The following POGZ variants were observed in gnomAD, a reference collection of about 807,000 sequenced individuals.
POGZ encodes pogo transposable element with ZNF domain.
A neutral mutation model predicts 134.6 loss-of-function variants in POGZ; 17 were observed. The ratio of observed to expected loss-of-function variants is 0.13; its 90% CI spans 0.09 to 0.19. The LOEUF (loss-of-function observed/expected upper bound fraction) is 0.19, where lower values mean the gene tolerates loss of function less well. Among genes scored for constraint, POGZ ranks in the 10% least tolerant of loss-of-function variants. The probability of loss-of-function intolerance (pLI) is 1.00; values close to 1 mark genes in which losing one functional copy is unlikely to be tolerated. For synonymous variants in POGZ, 693 were observed against 657.1 expected (o/e 1.05, Z -0.84); for missense variants, 1,306 against 1,769.7 (o/e 0.74, Z 4.70).
intron 10 of POGZ, among the ~76,000 whole-genome samples, chr1:151,419,988 G>C (rs1656611637): frequency 1.3e-5 from 2 of 152,016 alleles, no homozygotes; most frequent in African/African-American, 4.8e-5. Flanking sequence ...TAGGTGCCCA[G>C]ACTGGGCAAC....
rs545078539 is a variant in POGZ at position 151,432,506 on chromosome 1, C to T, written c.284-1665G>A. Among the ~76,000 whole-genome samples, 7 of 152,120 alleles carry T rather than the reference C, an allele frequency of 4.6e-5. No individual in the cohort carries two copies. The South Asian group carries it at 1.5e-3, about 32-fold the overall frequency. On this transcript the variant is annotated intron_variant, in intron 3 of 18. Coordinates refer to ENST00000271715, the MANE Select transcript of POGZ (RefSeq NM_015100.4). ...ACAGAAAATTCCAGCAAGTTCTATC[C>T]ATGTTAAACTATACTGGCAATTTAT...
Position 151,424,801 on chromosome 1 carries a change from C to T in POGZ, c.1185+154G>A, listed in dbSNP as rs72710142. 0.016 allele frequency among the ~76,000 whole-genome samples: 2,397 copies of T among 152,296 alleles called. 21 individuals carry two copies. Among genetic ancestry groups the T allele is most frequent in the Middle Eastern group, 0.024 (7 of 294 alleles). On this transcript the variant is annotated intron_variant, in intron 8 of 18. Coordinates refer to ENST00000271715, the MANE Select transcript of POGZ (RefSeq NM_015100.4). Reference sequence around the variant, plus strand: ...GTCTTTAAATGTATCCCATCACATTCCAAAGTACACAGCTCTTCTAAAAAC... The same window carrying T: ...GTCTTTAAATGTATCCCATCACATTTCAAAGTACACAGCTCTTCTAAAAAC...
intron 1 of POGZ, among the ~76,000 whole-genome samples, chr1:151,442,729 A>AT (rs1660736874): frequency 6.7e-6 from 1 of 148,926 alleles, no homozygotes; most frequent in Non-Finnish European, 1.5e-5. Context: ...AAAAAAAAAA[A>AT]TTAGGATTAT....
chr1:151,414,164 A>C (rs186363554), intron 10 of POGZ, among the ~76,000 whole-genome samples: 1 of 152,356 alleles, frequency 6.6e-6, no homozygotes, highest in African/African-American at 2.4e-5. Context: ...AGCCAGCCAG[A>C]GAGAGGACCA....
chr1:151,425,130 G>GA, intron 7 of POGZ, 69 bp from the exon 8 acceptor site: 3 of 819,940 alleles, frequency 3.7e-6, no homozygotes, highest in East Asian at 2.7e-5. Flanking sequence ...GACCTTTTGG[G>GA]AAAAAGTCAA....
intron 12 of POGZ, 97 bp from the exon 13 acceptor site, chr1:151,408,925 A>G: frequency 2.0e-6 from 2 of 1,004,380 alleles, no homozygotes; most frequent in Non-Finnish European, 3.0e-6. Flanking sequence ...CAACCATATC[A>G]TTCTTCCCAC....
At chr1:151,408,027 AAAAAGAAGAAG>A (rs755013275) in intron 15 of POGZ, 62 bp downstream of exon 15, 4 of 651,972 alleles carry the variant, frequency 6.1e-6, no homozygotes, top group Non-Finnish European at 8.6e-6. Flanking sequence ...AAAAAAAAAA[AAAAAGAAGAAG>A]AAGAAGAAGA....
chr1:151,408,669 TAA>T (rs746471151), intron 13 of POGZ, 23 bp downstream of exon 13: 12 of 1,611,038 alleles, frequency 7.4e-6, no homozygotes, highest in Non-Finnish European at 1.0e-5. Context: ...CCTGGGCCTA[TAA>T]AAGACACTGG....
At chr1:151,414,071 T>C (rs1368867480) in intron 10 of POGZ, among the ~76,000 whole-genome samples, 1 of 152,098 alleles carries the variant, frequency 6.6e-6, no homozygotes, top group Non-Finnish European at 1.5e-5. Flanking sequence ...TATGAGGACA[T>C]GGATAAATAA....
intron 1 of POGZ, among the ~76,000 whole-genome samples, chr1:151,449,378 G>A (rs1297912225): frequency 6.6e-6 from 1 of 152,148 alleles, no homozygotes; most frequent in African/African-American, 2.4e-5. Context: ...CAGGGTGGGG[G>A]TGAGGAGAGG....
chr1:151,418,378 T>TA lies in POGZ; in HGVS notation c.1678+5018dup, dbSNP rs982842014. Among the ~76,000 whole-genome samples, 587 of 148,206 alleles carry TA rather than the reference T, an allele frequency of 4.0e-3. 4 individuals are homozygous for TA. Among genetic ancestry groups the TA allele is most frequent in the Middle Eastern group, 0.01 (3 of 288 alleles). On this transcript the variant is annotated intron_variant, in intron 10 of 18. Transcript: ENST00000271715. ...CATGTTCCCACTCATATGTGGGAGC[T>TA]AAAAAAAAAAGTAGATCTCATGGAG...
chr1:151,406,475 G>A lies in POGZ; in HGVS notation c.2571-11C>T. ...CGAGTCTGGCCATGCCTAAAGGGGT[G>A]AGGAGCAAAGAGAAGAGGAGAAATC... On this transcript the variant is annotated splice_polypyrimidine_tract_variant and intron_variant, in intron 18 of 18. Transcript: ENST00000271715. 1.3e-6 allele frequency: 2 copies of A among 1,555,338 alleles called. No individual in the cohort carries two copies. Among genetic ancestry groups the A allele is most frequent in the South Asian group, 1.3e-5 (1 of 79,836 alleles).
intron 3 of POGZ, among the ~76,000 whole-genome samples, chr1:151,431,685 GAATA>G (rs1344182196): frequency 6.6e-6 from 1 of 152,120 alleles, no homozygotes; most frequent in East Asian, 1.9e-4. Flanking sequence ...ATTCATTCAT[GAATA>G]AATATTAATA....
At position 151,430,014 on chromosome 1, in the gene POGZ, C is replaced by T. The variant is rs7521992; in HGVS notation, c.460-303G>A. On this transcript the variant is annotated intron_variant, in intron 4 of 18. Coordinates refer to ENST00000271715, the MANE Select transcript of POGZ (RefSeq NM_015100.4). ...ATCAACAGACTGGCTCCCTAAAGTGCTAAATGAACAGAAGTGGGGGTGGGG... is the reference window on the plus strand; with the variant it reads ...ATCAACAGACTGGCTCCCTAAAGTGTTAAATGAACAGAAGTGGGGGTGGGG... Among the ~76,000 whole-genome samples the T allele has an allele frequency of 0.022, 3,005 of 138,494 alleles. 91 individuals carry two copies. Among genetic ancestry groups the T allele is most frequent in the African/African-American group, 0.079 (2,862 of 36,384 alleles). 90.9% of individuals were successfully genotyped at this position (138,494 alleles called of 152,430 possible).
intron 3 of POGZ, among the ~76,000 whole-genome samples, chr1:151,433,216 A>G (rs1658996913): frequency 6.6e-6 from 1 of 152,234 alleles, no homozygotes; most frequent in African/African-American, 2.4e-5. Context: ...GGTTTCCATG[A>G]AACCCGTAAA....
In POGZ at chr1:151,404,466, C is replaced by T. The variant is rs1653214889; in HGVS notation, c.*336G>A. The T allele has an allele frequency of 2.0e-6, 2 of 1,016,694 alleles. No individual in the cohort carries two copies. The highest frequency in any genetic ancestry group is 3.4e-5 in the African/African-American group (2 of 58,222). The allele number at this position is 1,016,694 out of a possible 1,614,324, so 63.0% of individuals were successfully genotyped here. On this transcript the variant is annotated 3_prime_UTR_variant, in exon 19 of 19. Transcript: ENST00000271715. ...GGAAACAAAAAAATTTAACATTTGC[C>T]CACAAATAATTTTTTTTCTTTTTCT...
Position 151,441,580 on chromosome 1 carries a change from T to A in POGZ, c.125-494A>T, listed in dbSNP as rs16833254. 4.0e-3 allele frequency among the ~76,000 whole-genome samples: 603 copies of A among 152,278 alleles called. 8 individuals carry two copies. Among genetic ancestry groups the A allele is most frequent in the East Asian group, 0.038 (195 of 5,184 alleles). ...TTCTGAATTCAGGGCAATCTAGAAT[T>A]TGACCCAGCAGTATCACCTTTATGA... is the stretch of plus-strand genomic sequence containing the variant. On this transcript the variant is annotated intron_variant, in intron 2 of 18. Transcript: ENST00000271715.
chr1:151,425,437 AT>A (rs1361693882), intron 7 of POGZ: 1 of 158,306 alleles, frequency 6.3e-6, no homozygotes. Flanking sequence ...TTTGTATGTG[AT>A]TTTTTTGTTA....
chr1:151,427,664 G>GT (rs1657995697), intron 7 of POGZ, 159 bp downstream of exon 7: 1 of 595,572 alleles, frequency 1.7e-6, no homozygotes, highest in African/African-American at 1.9e-5. Context: ...TACACTTTTT[G>GT]TAAGTGGCTT....
Sources: gnomAD v4.1 joint callset for allele counts (sites outside exome capture counted in the v4.1 genomes callset) on GRCh38, gnomAD v4.1.1 for gene constraint, MANE v1.5 for transcripts, NCBI Gene and HGNC (gene_info 2026-07-23, HGNC 2026-07-21) for gene names.